The following SYNE1 variants were observed in gnomAD, a reference collection of about 807,000 sequenced individuals.
The protein encoded by SYNE1 is spectrin repeat containing nuclear envelope protein 1.
Under a neutral mutation model 1,111.0 loss-of-function variants are expected in SYNE1, and 616 were observed. The ratio of observed to expected loss-of-function variants is 0.55; its 90% confidence interval spans 0.52 to 0.59. The LOEUF (loss-of-function observed/expected upper bound fraction) is 0.59, where lower values mean the gene tolerates loss of function less well. Ranked by LOEUF, SYNE1 falls within the 20% of genes least tolerant of loss-of-function variation. The pLI is 0.00. For synonymous variants in SYNE1, 3,855 were observed against 3,825.8 expected (o/e 1.01, Z -0.28); for missense variants, 10,006 against 10,417.0 (o/e 0.96, Z 1.72).
intron 3 of SYNE1, among the ~76,000 whole-genome samples, chr6:152,593,366 C>G (rs138090499): frequency 6.6e-6 from 1 of 152,086 alleles, no homozygotes; most frequent in Non-Finnish European, 1.5e-5. Flanking sequence ...GGGCGGATCA[C>G]GAGGTCAGTA....
In SYNE1 at chr6:152,350,270, C is replaced by G. The variant is rs1027685334; in HGVS notation, c.11799G>C (p.Glu3933Asp). The change falls in exon 72 of 146, where the codon GAG (glutamate) becomes GAC (aspartate). Residue 3933 changes from glutamate (E) to aspartate (D), a missense_variant. Glu to Asp is a conservative substitution (Grantham distance 45, BLOSUM62 2). Transcript: ENST00000367255. ...DHEDYNSELQ[E>D]VEKWLLQMSG... ...ACATCTGCAGCAGCCACTTTTCGAC[C>G]TCTTGGAGCTCACTGTTGTAGTCTT... 8.7e-6 allele frequency: 14 copies of G among 1,614,056 alleles called. No homozygotes were observed. Among genetic ancestry groups the G allele is most frequent in the Non-Finnish European group, 1.1e-5 (13 of 1,180,046 alleles).
intron 54 of SYNE1, among the ~76,000 whole-genome samples, 180 bp from the exon 55 acceptor site, chr6:152,386,018 C>T (rs1157553197): frequency 6.6e-6 from 1 of 152,132 alleles, no homozygotes; most frequent in Non-Finnish European, 1.5e-5. Flanking sequence ...AATGTCAAGG[C>T]TTTGGAAAAG....
At chr6:152,317,237 T>C (rs1224476815) in intron 86 of SYNE1, among the ~76,000 whole-genome samples, 2 of 150,752 alleles carry the variant, frequency 1.3e-5, no homozygotes, top group Non-Finnish European at 3.0e-5. Context: ...CTTTTTTCTT[T>C]TTTTTTTTTT....
At chr6:152,608,498 A>G (rs2099622386) in intron 3 of SYNE1, among the ~76,000 whole-genome samples, 1 of 152,204 alleles carries the variant, frequency 6.6e-6, no homozygotes, top group African/African-American at 2.4e-5. Flanking sequence ...TGAAGTATAT[A>G]TTTTTTATCA....
intron 3 of SYNE1, among the ~76,000 whole-genome samples, chr6:152,608,628 T>C (rs1311407489): frequency 6.6e-6 from 1 of 152,162 alleles, no homozygotes; most frequent in African/African-American, 2.4e-5. Flanking sequence ...GAACCTCAGT[T>C]ACTTGTCTTT....
rs1018039106 is a variant in SYNE1 at position 152,442,086 on chromosome 6, G to A, written c.3997C>T (p.Arg1333Cys). The change falls in exon 31 of 146, where the codon CGC (arginine) becomes TGC (cysteine). Residue 1333 changes from arginine to cysteine, a missense_variant. Around this residue, in one of 7 missense-constraint regions of SYNE1, gnomAD observed 1,971 missense variants for 2,084.1 expected, o/e 0.95. Transcript: ENST00000367255. ...GLERSRERQE[R>C]RIQVTLRKWE... is the part of the protein sequence containing the mutation. ...CTTCCGGCTCCTACCTGGATGCGGC[G>A]TTCCTGCCTCTCCCGGCTGCGCTCC... The A allele has an allele frequency of 2.5e-6, 4 of 1,614,068 alleles. No individual in the cohort carries two copies. The highest frequency in any genetic ancestry group is 3.4e-6 in the Non-Finnish European group (4 of 1,180,038).
intron 55 of SYNE1, among the ~76,000 whole-genome samples, chr6:152,383,266 A>G (rs2097458309): frequency 6.6e-6 from 1 of 152,202 alleles, no homozygotes; most frequent in Admixed American, 6.5e-5. Context: ...GTATTTGTCA[A>G]CCCAGGAAGC....
intron 58 of SYNE1, chr6:152,376,167 T>C (rs2097277288): frequency 1.1e-5 from 6 of 554,346 alleles, no homozygotes; most frequent in Admixed American, 9.2e-5. Flanking sequence ...TTCAGGCTCC[T>C]ATGAGAATCT....
chr6:152,575,340 T>C (rs931515160), intron 3 of SYNE1, among the ~76,000 whole-genome samples: 2 of 152,200 alleles, frequency 1.3e-5, no homozygotes, highest in Non-Finnish European at 2.9e-5. Context: ...CATGGACGAA[T>C]GACATCAGAA....
intron 2 of SYNE1, among the ~76,000 whole-genome samples, chr6:152,631,474 G>T (rs1251203225): frequency 6.6e-6 from 1 of 152,180 alleles, no homozygotes; most frequent in African/African-American, 2.4e-5. Context: ...GCAACAGGAA[G>T]CCACTGAGAG....
chr6:152,558,203 C>A (rs2099379138), intron 3 of SYNE1, among the ~76,000 whole-genome samples: 1 of 151,924 alleles, frequency 6.6e-6, no homozygotes, highest in South Asian at 2.1e-4. Context: ...TAAGTAGATA[C>A]ATAAAGATAA....
Position 152,321,305 on chromosome 6 carries a change from G to T in SYNE1, c.16169C>A (p.Thr5390Asn). The T allele has an allele frequency of 6.2e-7, 1 of 1,613,828 alleles. No homozygotes were observed. The highest frequency in any genetic ancestry group is 1.1e-5 in the South Asian group (1 of 91,070). Residue 5390 changes from threonine (T) to asparagine (N), a missense_variant, in exon 84 of 146, where the codon ACC becomes AAC. Physicochemically the swap from Thr to Asn is moderately conservative, Grantham distance 65. Transcript: ENST00000367255. ...EQKEKYLGLY[T>N]ILPSELSLQL... Reference sequence around the variant, plus strand: ...AAGGGAGAGTTCAGAAGGTAATATGGTATAAAGACCTAAGTACTTCTCCTT... The same window carrying T: ...AAGGGAGAGTTCAGAAGGTAATATGTTATAAAGACCTAAGTACTTCTCCTT...
intron 3 of SYNE1, among the ~76,000 whole-genome samples, chr6:152,598,270 G>C (rs996353280): frequency 2.0e-5 from 3 of 152,074 alleles, no homozygotes; most frequent in Non-Finnish European, 4.4e-5. Flanking sequence ...TTTTATAAAG[G>C]GGAGTTTCCC....
chr6:152,418,186 T>C (rs938146646), intron 40 of SYNE1, among the ~76,000 whole-genome samples: 31 of 152,248 alleles, frequency 2.0e-4, no homozygotes, highest in African/African-American at 7.0e-4. Flanking sequence ...TGTAAATTTA[T>C]TCTCTGCCCC....
At position 152,461,709 on chromosome 6, in the gene SYNE1, G is replaced by A; in HGVS notation, c.2282C>T (p.Ala761Val). 6.2e-7 allele frequency: 1 copy of A among 1,613,850 alleles called. No individual in the cohort carries two copies. The highest frequency in any genetic ancestry group is 8.5e-7 in the Non-Finnish European group (1 of 1,179,934). Residue 761 changes from alanine to valine, a missense_variant, in exon 21 of 146, where the codon GCC becomes GTC. Physicochemically the swap from Ala to Val is moderately conservative, Grantham distance 64. Transcript: ENST00000367255. ...TGTCTTTGTAATTATCTTGTATTGG[G>A]CATCCATCACAGGCACCCTCTGCTC... ...DIEQRVPVMD[A>V]QYKIITKTAH...
chr6:152,632,677 AC>A (rs1171600089), intron 2 of SYNE1, among the ~76,000 whole-genome samples: 2 of 152,170 alleles, frequency 1.3e-5, no homozygotes, highest in African/African-American at 4.8e-5. Flanking sequence ...TCTATCTCTT[AC>A]TGTGCACGCA....
chr6:152,333,267 A>G (rs1441270371), intron 77 of SYNE1, among the ~76,000 whole-genome samples: 1 of 152,184 alleles, frequency 6.6e-6, no homozygotes, highest in African/African-American at 2.4e-5. Context: ...CAAAAGACAC[A>G]AATTAACTGA....
intron 101 of SYNE1, among the ~76,000 whole-genome samples, chr6:152,257,275 G>A (rs2153630776): frequency 6.6e-6 from 1 of 152,290 alleles, no homozygotes; most frequent in African/African-American, 2.4e-5. Context: ...GCTCATGCCT[G>A]TAATCACAGC....
In SYNE1 at chr6:152,321,811, C is replaced by A; in HGVS notation, c.15993G>T (p.Gln5331His). 1 of 1,614,010 alleles carries A rather than the reference C, an allele frequency of 6.2e-7. No individual in the cohort carries two copies. The highest frequency in any genetic ancestry group is 8.5e-7 in the Non-Finnish European group (1 of 1,179,970). ...GAACCCAACATTTCACAGAATTGATCTGAGTCTCCACCATTTCTCGGTCCT... is the reference window on the plus strand; with the variant it reads ...GAACCCAACATTTCACAGAATTGATATGAGTCTCCACCATTTCTCGGTCCT... The part of the protein sequence containing the change: ...ELKDREMVET[Q>H]INSVKCWVQE... Residue 5331 changes from glutamine to histidine, a missense_variant, in exon 83 of 146, where the codon CAG becomes CAT. By Grantham distance (24) the Gln-to-His change is conservative (BLOSUM62 0). Coordinates refer to ENST00000367255, the MANE Select transcript of SYNE1 (RefSeq NM_182961.4).
Sources: allele counts gnomAD v4.1 joint callset (sites outside exome capture counted in the v4.1 genomes callset), GRCh38; gene constraint gnomAD v4.1.1; regional missense constraint gnomAD v4.1.1; transcripts MANE v1.5; gene names NCBI Gene and HGNC (gene_info 2026-07-23, HGNC 2026-07-21).